The following PKHD1L1 variants were observed in gnomAD, a reference collection of about 807,000 sequenced individuals.
PKHD1L1 encodes the protein fibrocystin-L.
Under a neutral mutation model 462.9 loss-of-function variants are expected in PKHD1L1, and 434 were observed. The ratio of observed to expected loss-of-function variants is 0.94; its 90% CI spans 0.87 to 1.02. The LOEUF (loss-of-function observed/expected upper bound fraction) is 1.02. PKHD1L1 is among the 50% of genes least tolerant of loss of function. The probability of loss-of-function intolerance (pLI) is 0.00; values close to 1 mark genes in which losing one functional copy is unlikely to be tolerated. For synonymous variants in PKHD1L1, 1,781 were observed against 1,750.0 expected (o/e 1.02, Z -0.44); for missense variants, 5,202 against 5,096.1 (o/e 1.02, Z -0.63).
rs1225213344 is a variant in PKHD1L1, at chr8:109,465,034, A to G, written c.8202A>G (p.Glu2734=). ...TAKGLVLPFS[E]GLTVSSVHFM... is the part of the protein sequence containing the mutation. ...AAGGCCTGGTTCTCCCATTTAGTGA[A>G]GGCTTGACTGTCTCTTCTGTGCACT... Residue 2734 remains glutamate (E), a synonymous_variant, in exon 49 of 78, where the codon GAA becomes GAG. Transcript: ENST00000378402. 1.2e-6 allele frequency: 2 copies of G among 1,613,822 alleles called. No individual in the cohort carries two copies. Among genetic ancestry groups the G allele is most frequent in the Non-Finnish European group, 8.5e-7 (1 of 1,179,796 alleles).
At chr8:109,401,343 G>T (rs998304329) in intron 13 of PKHD1L1, among the ~76,000 whole-genome samples, 154 bp from the exon 14 acceptor site, 10 of 151,980 alleles carry the variant, frequency 6.6e-5, no homozygotes, top group African/African-American at 2.4e-4. Flanking sequence ...TAGCATAGTA[G>T]ATAACAGATC....
intron 4 of PKHD1L1, 36 bp from the exon 5 acceptor site, chr8:109,384,034 A>T: frequency 7.3e-7 from 1 of 1,378,806 alleles, no homozygotes; most frequent in Non-Finnish European, 1.0e-6. Context: ...AACAAAACAG[A>T]GATAAGTTTT....
At chr8:109,465,305 G>T in intron 49 of PKHD1L1, 60 bp downstream of exon 49, 1 of 1,524,686 alleles carries the variant, frequency 6.6e-7, no homozygotes, top group Non-Finnish European at 8.9e-7. Context: ...TGTTAGCACA[G>T]AATTGAATTG....
intron 2 of PKHD1L1, among the ~76,000 whole-genome samples, chr8:109,372,346 A>T (rs926996200): frequency 3.3e-5 from 5 of 152,170 alleles, no homozygotes; most frequent in Non-Finnish European, 5.9e-5. Context: ...ATTTTTGCAC[A>T]TTGATTTTGT....
chr8:109,442,040 T>C lies in PKHD1L1; in HGVS notation c.4238T>C (p.Val1413Ala), dbSNP rs1815822612. The C allele has an allele frequency of 1.2e-6, 2 of 1,613,030 alleles. No individual in the cohort carries two copies. Among genetic ancestry groups the C allele is most frequent in the Admixed American group, 1.7e-5 (1 of 59,924 alleles). ...HGLGYAWSPP[V>A]LNVSVGDTVA... ...TTAGGTTATGCCTGGTCACCACCAG[T>C]CCTAAATGTGTCTGTGGGGGACACA... The change falls in exon 35 of 78, where the codon GTC (valine) becomes GCC (alanine). Residue 1413 changes from valine to alanine, a missense_variant. Coordinates refer to ENST00000378402, the MANE Select transcript of PKHD1L1 (RefSeq NM_177531.6).
intron 43 of PKHD1L1, 131 bp downstream of exon 43, chr8:109,453,005 T>C: frequency 1.4e-6 from 1 of 717,070 alleles, no homozygotes; most frequent in Non-Finnish European, 2.0e-6. Context: ...AGTCCTGGGC[T>C]TTCTAAATTG....
At chr8:109,399,817 G>A (rs1243586780) in intron 12 of PKHD1L1, among the ~76,000 whole-genome samples, 2 of 151,956 alleles carry the variant, frequency 1.3e-5, no homozygotes, top group African/African-American at 4.8e-5. Flanking sequence ...AATCCCTATA[G>A]CACCCATGCA....
At chr8:109,466,450 A>C in intron 49 of PKHD1L1, 128 bp from the exon 50 acceptor site, 1 of 952,030 alleles carries the variant, frequency 1.1e-6, no homozygotes, top group Non-Finnish European at 1.5e-6. Flanking sequence ...AAACAAGCAA[A>C]CAAACAAAAC....
chr8:109,491,437 T>C (rs532920320), intron 61 of PKHD1L1, among the ~76,000 whole-genome samples: 2 of 152,008 alleles, frequency 1.3e-5, no homozygotes, highest in Admixed American at 6.6e-5. Flanking sequence ...ATCACATTCT[T>C]ACATGAGTTA....
At chr8:109,512,137 T>C (rs1297605005) in intron 71 of PKHD1L1, among the ~76,000 whole-genome samples, 2 of 152,062 alleles carry the variant, frequency 1.3e-5, no homozygotes, top group South Asian at 2.1e-4. Flanking sequence ...TTCTCCCATT[T>C]TGTAGGTTGC....
chr8:109,396,019 T>TC lies in PKHD1L1; in HGVS notation c.812-3dup. On this transcript the variant is annotated splice_polypyrimidine_tract_variant and splice_region_variant and intron_variant, in intron 10 of 77. Transcript: ENST00000378402. The stretch of plus-strand genomic sequence containing the variant: ...TATGATATTTTATTTAATGTGGTTT[T>TC]CCCCCAGAGGTCACCATGATTTTCC... 1.3e-6 allele frequency: 2 copies of TC among 1,564,656 alleles called. No homozygotes were observed. Among genetic ancestry groups the TC allele is most frequent in the Admixed American group, 1.8e-5 (1 of 55,906 alleles).
chr8:109,513,377 C>T (rs1490517991), intron 71 of PKHD1L1, among the ~76,000 whole-genome samples: 1 of 152,088 alleles, frequency 6.6e-6, no homozygotes, highest in Non-Finnish European at 1.5e-5. Flanking sequence ...TTCTTCAATG[C>T]TGCTATTACT....
At position 109,419,282 on chromosome 8, in the gene PKHD1L1, C is replaced by T. The variant is rs1038245927; in HGVS notation, c.2524+22C>T. ...GATGGTATGTTGTATCATTTTATCTCTGCTTTAATCTAAATATAGTAAAAT... is the reference window on the plus strand; with the variant it reads ...GATGGTATGTTGTATCATTTTATCTTTGCTTTAATCTAAATATAGTAAAAT... On this transcript the variant is annotated intron_variant, in intron 22 of 77. Coordinates refer to ENST00000378402, the MANE Select transcript of PKHD1L1 (RefSeq NM_177531.6). The T allele has an allele frequency of 6.5e-6, 10 of 1,533,844 alleles. No homozygotes were observed. The African/African-American group carries it at 1.4e-4, about 21-fold the overall frequency.
intron 55 of PKHD1L1, among the ~76,000 whole-genome samples, 155 bp downstream of exon 55, chr8:109,480,294 A>G (rs1326604533): frequency 2.0e-5 from 3 of 152,046 alleles, no homozygotes; most frequent in African/African-American, 4.8e-5. Context: ...AGTCCAATAT[A>G]TTTCTGTTCT....
chr8:109,450,756 G>A (rs1402591785), intron 40 of PKHD1L1, among the ~76,000 whole-genome samples: 1 of 152,190 alleles, frequency 6.6e-6, no homozygotes, highest in African/African-American at 2.4e-5. Context: ...CTCCCCAGGA[G>A]GGTCGAAGGG....
Position 109,522,287 on chromosome 8 carries a change from A to G in PKHD1L1, c.12133A>G (p.Met4045Val), listed in dbSNP as rs988698265. Residue 4045 changes from methionine (M) to valine (V), a missense_variant, in exon 74 of 78, where the codon ATG becomes GTG. Physicochemically the swap from Met to Val is conservative, Grantham distance 21. Coordinates refer to ENST00000378402, the MANE Select transcript of PKHD1L1 (RefSeq NM_177531.6). ...SSILGFNISS[M>V]SITNPLPSPS... ...TATCCTTGGATTTAACATTTCGTCC[A>G]TGTCTATTACTAATCCCCTCCCCAG... The G allele has an allele frequency of 5.0e-6, 8 of 1,607,872 alleles. No homozygotes were observed. Among genetic ancestry groups the G allele is most frequent in the Non-Finnish European group, 6.8e-6 (8 of 1,175,644 alleles).
chr8:109,410,474 G>A (rs1326352092), intron 19 of PKHD1L1, among the ~76,000 whole-genome samples: 1 of 152,012 alleles, frequency 6.6e-6, no homozygotes, highest in Non-Finnish European at 1.5e-5. Context: ...AAGAGCAAGA[G>A]AAGAGAGTGG....
rs1346690433 is a variant in PKHD1L1, at chr8:109,443,134, G to A, written c.4564+18G>A. The A allele has an allele frequency of 6.2e-7, 1 of 1,610,580 alleles. No homozygotes were observed. The highest frequency in any genetic ancestry group is 8.5e-7 in the Non-Finnish European group (1 of 1,177,610). On this transcript the variant is annotated intron_variant, in intron 36 of 77. Transcript: ENST00000378402. ...TGCTTATGGTAAGATGGTTAAAGATGGAAACTCTGTTACACAGGTGACCCA... is the reference window on the plus strand; with the variant it reads ...TGCTTATGGTAAGATGGTTAAAGATAGAAACTCTGTTACACAGGTGACCCA...
At position 109,485,033 on chromosome 8, in the gene PKHD1L1, AT is replaced by A. The variant is rs1172471377; in HGVS notation, c.9577-6del. The stretch of plus-strand genomic sequence containing the variant: ...AATTGTTCTTAAATTTGGCACTTGA[AT>A]TTTTCTAAGGAGGGAGAAGAGATTG... On this transcript the variant is annotated splice_polypyrimidine_tract_variant and intron_variant, in intron 57 of 77. Transcript: ENST00000378402. The A allele has an allele frequency of 1.3e-6, 2 of 1,562,468 alleles. No homozygotes were observed. Among genetic ancestry groups the A allele is most frequent in the Non-Finnish European group, 1.7e-6 (2 of 1,160,572 alleles).
Sources: gnomAD v4.1 joint callset for allele counts (sites outside exome capture counted in the v4.1 genomes callset) on GRCh38, gnomAD v4.1.1 for gene constraint, MANE v1.5 for transcripts, NCBI Gene and HGNC (gene_info 2026-07-23, HGNC 2026-07-21) for gene names.